The following SLC13A3 variants were observed in gnomAD, a reference collection of about 807,000 sequenced individuals.
SLC13A3 encodes Na(+)/dicarboxylate cotransporter 3.
Under a neutral mutation model 59.0 loss-of-function variants are expected in SLC13A3, and 40 were observed. The observed-to-expected ratio is 0.68, with a 90% CI of 0.53 to 0.88. SLC13A3 has a LOEUF of 0.88. Among genes scored for constraint, SLC13A3 ranks in the 40% least tolerant of loss-of-function variants. The pLI, the probability that SLC13A3 is intolerant of heterozygous loss-of-function variation, is 0.00. For synonymous variants in SLC13A3, 317 were observed against 330.3 expected, an observed-to-expected ratio of 0.96 and a Z score of 0.44; for missense variants, 699 against 783.2, an observed-to-expected ratio of 0.89 and a Z score of 1.28.
chr20:46,582,907 TACA>T, intron 9 of SLC13A3: 2 of 985,382 alleles, frequency 2.0e-6, no homozygotes, highest in Non-Finnish European at 2.4e-6. Context: ...GGCCACAGTC[TACA>T]ACATTTTGGT....
chr20:46,650,764 G>A (rs1303948752), intron 1 of SLC13A3, among the ~76,000 whole-genome samples: 3 of 152,158 alleles, frequency 2.0e-5, no homozygotes, highest in Non-Finnish European at 4.4e-5. Flanking sequence ...CAGAATTAGA[G>A]CTCAGGAAAG....
Position 46,579,593 on chromosome 20 carries a change from T to C in SLC13A3, c.1220-3908A>G, listed in dbSNP as rs116409471. ...CTGGTGGCCAAAGGACAGGCAGTGC[T>C]CATGGAGTTCCCTCCCCACCCACTG... On this transcript the variant is annotated intron_variant, in intron 9 of 12. Transcript: ENST00000279027. 8.6e-3 allele frequency among the ~76,000 whole-genome samples: 1,316 copies of C among 152,332 alleles called. 21 individuals carry two copies. The highest frequency in any genetic ancestry group is 0.031 in the African/African-American group (1,272 of 41,580).
intron 11 of SLC13A3, 59 bp from the exon 12 acceptor site, chr20:46,563,610 A>AGAGAGAGAGAGAG: frequency 1.8e-6 from 1 of 560,470 alleles, no homozygotes; most frequent in Non-Finnish European, 2.3e-6. Context: ...CGACCACAGC[A>AGAGAGAGAGAGAG]AGAGGGAGAG....
chr20:46,674,604 C>CGCGCGTGT (rs370861850), upstream of SLC13A3, among the ~76,000 whole-genome samples: 168 of 127,944 alleles, frequency 1.3e-3, 1 homozygote, highest in African/African-American at 4.8e-3. Flanking sequence ...CGCGCGCGCG[C>CGCGCGTGT]GTGTGTGTGT....
chr20:46,662,621 C>A (rs1240897905), intron 1 of SLC13A3, among the ~76,000 whole-genome samples: 17 of 152,224 alleles, frequency 1.1e-4, no homozygotes, highest in Admixed American at 1.0e-3. Flanking sequence ...TGCTCAAACA[C>A]TCTGGATCAT....
intron 6 of SLC13A3, among the ~76,000 whole-genome samples, chr20:46,590,395 GA>G (rs1169539604): frequency 1.3e-5 from 2 of 151,272 alleles, no homozygotes; most frequent in Admixed American, 6.6e-5. Flanking sequence ...GACAAATCAG[GA>G]AAAAAAATGT....
chr20:46,651,454 G>A lies in SLC13A3; in HGVS notation c.-33C>T, dbSNP rs182991658. 37 of 1,403,494 alleles carry A rather than the reference G, an allele frequency of 2.6e-5. 1 individual carries two copies. In the East Asian group the frequency reaches 9.3e-4, roughly 35 times the overall value. 86.9% of individuals were successfully genotyped at this position (1,403,494 alleles called of 1,614,324 possible). A position where few individuals can be genotyped will look rare whatever the true frequency, so the allele number is the denominator to read the frequency against. Reference sequence around the variant, plus strand: ...ATCGCCTGGCGGTACGGGCCGGCCCGGGACTGCCCCGCCTGGCCCCGGCGC... The same window carrying A: ...ATCGCCTGGCGGTACGGGCCGGCCCAGGACTGCCCCGCCTGGCCCCGGCGC... On this transcript the variant is annotated 5_prime_UTR_variant, in exon 1 of 13. Transcript: ENST00000279027.
rs189932079 is a variant in SLC13A3, at chr20:46,597,693, T to C, written c.609-1351A>G. Reference sequence around the variant, plus strand: ...CTCAGGTAATCTGCCCGCCTTGGCCTCCCAAAGTACTGGGATTACAGGCAT... The same window carrying C: ...CTCAGGTAATCTGCCCGCCTTGGCCCCCCAAAGTACTGGGATTACAGGCAT... On this transcript the variant is annotated intron_variant, in intron 4 of 12. Transcript: ENST00000279027. 4.2e-3 allele frequency among the ~76,000 whole-genome samples: 637 copies of C among 152,346 alleles called. 5 individuals are homozygous for C. The highest frequency in any genetic ancestry group is 0.015 in the African/African-American group (624 of 41,582).
chr20:46,660,975 C>A (rs1242152991), intron 1 of SLC13A3, among the ~76,000 whole-genome samples: 65 of 152,176 alleles, frequency 4.3e-4, no homozygotes, highest in Non-Finnish European at 8.8e-5. Flanking sequence ...TTCACTAGTT[C>A]TTTTAATAGT....
chr20:46,568,166 G>A (rs1487197378), intron 10 of SLC13A3, among the ~76,000 whole-genome samples: 4 of 151,844 alleles, frequency 2.6e-5, no homozygotes, highest in African/African-American at 7.3e-5. Flanking sequence ...GGCCAAGGTG[G>A]GCAGGTCGCT....
intron 9 of SLC13A3, among the ~76,000 whole-genome samples, chr20:46,576,624 A>G (rs2062079574): frequency 6.6e-6 from 1 of 152,148 alleles, no homozygotes; most frequent in African/African-American, 2.4e-5. Context: ...CTCCGTAAAT[A>G]TTTGTCAAAT....
At chr20:46,650,777 A>C (rs143344577) in intron 1 of SLC13A3, among the ~76,000 whole-genome samples, 1 of 152,334 alleles carries the variant, frequency 6.6e-6, no homozygotes, top group African/African-American at 2.4e-5. Flanking sequence ...CAGGAAAGAA[A>C]GAATTCTGCT....
chr20:46,656,207 TATA>T (rs1263605625), upstream of SLC13A3, among the ~76,000 whole-genome samples: 5 of 143,674 alleles, frequency 3.5e-5, no homozygotes, highest in Non-Finnish European at 6.1e-5. Context: ...GCACAGTATA[TATA>T]ATACTGTATG....
At chr20:46,562,341 T>G (rs908931853) in intron 12 of SLC13A3, among the ~76,000 whole-genome samples, 2 of 152,166 alleles carry the variant, frequency 1.3e-5, no homozygotes, top group Non-Finnish European at 2.9e-5. Context: ...GCCCTGAATT[T>G]CTGGAGCACT....
At chr20:46,674,072 G>A (rs1440216381), upstream of SLC13A3, among the ~76,000 whole-genome samples, 1 of 152,156 alleles carries the variant, frequency 6.6e-6, no homozygotes, top group Non-Finnish European at 1.5e-5. Context: ...AAATAAGGTA[G>A]GCAGTGGGAG....
chr20:46,592,692 T>C (rs1008882088), intron 5 of SLC13A3, among the ~76,000 whole-genome samples, 163 bp from the exon 6 acceptor site: 7 of 152,168 alleles, frequency 4.6e-5, no homozygotes, highest in African/African-American at 1.7e-4. Flanking sequence ...AGAAGCACCC[T>C]TTTTTCCTCT....
At chr20:46,612,147 T>TTG (rs1555879622) in intron 2 of SLC13A3, among the ~76,000 whole-genome samples, 52 of 145,548 alleles carry the variant, frequency 3.6e-4, no homozygotes, top group Non-Finnish European at 6.5e-4. Context: ...TTTTTTTTTT[T>TTG]GAGACAGGGT....
chr20:46,608,756 C>G (rs2062461935), intron 3 of SLC13A3: 1 of 1,164,250 alleles, frequency 8.6e-7, no homozygotes. Context: ...ATTTTAAAAA[C>G]TAGAACTAGC....
rs1375467452 is a variant in SLC13A3 at position 46,559,623 on chromosome 20, T to C, written c.*399A>G. ...TTTAAAGACAAGGTGGTCTCTTCAGTGTAATCGAAAGTAATCACTGGGGGA... is the reference window on the plus strand; with the variant it reads ...TTTAAAGACAAGGTGGTCTCTTCAGCGTAATCGAAAGTAATCACTGGGGGA... On this transcript the variant is annotated 3_prime_UTR_variant, in exon 13 of 13. Coordinates refer to ENST00000279027, the MANE Select transcript of SLC13A3 (RefSeq NM_022829.6). 4 of 165,484 alleles carry C rather than the reference T, an allele frequency of 2.4e-5. No individual in the cohort carries two copies. The highest frequency in any genetic ancestry group is 9.5e-5 in the African/African-American group (4 of 41,966). 10.3% of individuals were successfully genotyped at this position (165,484 alleles called of 1,614,324 possible). A position where few individuals can be genotyped will look rare whatever the true frequency, so the allele number is the denominator to read the frequency against.
Sources: allele counts gnomAD v4.1 joint callset (sites outside exome capture counted in the v4.1 genomes callset), GRCh38; gene constraint gnomAD v4.1.1; transcripts MANE v1.5; gene names NCBI Gene and HGNC (gene_info 2026-07-23, HGNC 2026-07-21).